IGF2BP2: variants seen among roughly 807,000 people sequenced by gnomAD.
IGF2BP2 encodes the protein insulin-like growth factor 2 mRNA-binding protein 2.
A neutral mutation model predicts 75.8 loss-of-function variants in IGF2BP2; 17 were observed. That is an observed-to-expected ratio of 0.22 (90% CI 0.15 to 0.34). The LOEUF is 0.34. Among genes scored for constraint, IGF2BP2 ranks in the 10% least tolerant of loss-of-function variants. The probability of loss-of-function intolerance (pLI) is 1.00; values close to 1 mark genes in which losing one functional copy is unlikely to be tolerated. For missense variants in IGF2BP2, 516 were observed against 772.4 expected, an observed-to-expected ratio of 0.67 and a Z score of 3.93; for synonymous variants, 288 against 295.6, an observed-to-expected ratio of 0.97 and a Z score of 0.26.
intron 1 of IGF2BP2, 115 bp from the exon 2 acceptor site, chr3:185,823,328 G>T: frequency 2.9e-6 from 2 of 691,506 alleles, no homozygotes; most frequent in Admixed American, 6.7e-5. Context: ...GCCCCCAAGG[G>T]GTCTCCTACC....
At chr3:185,703,751 G>A (rs535831461) in intron 2 of IGF2BP2, among the ~76,000 whole-genome samples, 1 of 152,260 alleles carries the variant, frequency 6.6e-6, no homozygotes, top group East Asian at 1.9e-4. Flanking sequence ...TCCAGCCTGG[G>A]GGACAAGAGA....
chr3:185,693,134 GTTCCCACTAT>G (rs1028297728), intron 4 of IGF2BP2: 2 of 169,794 alleles, frequency 1.2e-5, no homozygotes, highest in African/African-American at 4.8e-5. Flanking sequence ...TAAGTAGGCT[GTTCCCACTAT>G]TTGCTAGTCT....
At chr3:185,770,154 T>A (rs899585420) in intron 2 of IGF2BP2, among the ~76,000 whole-genome samples, 2 of 152,160 alleles carry the variant, frequency 1.3e-5, no homozygotes, top group Non-Finnish European at 2.9e-5. Flanking sequence ...TAGGCTCCTA[T>A]GTCAACAGAA....
intron 2 of IGF2BP2, chr3:185,716,874 T>C (rs1471778721): frequency 2.1e-5 from 10 of 480,472 alleles, no homozygotes; most frequent in Non-Finnish European, 4.1e-5. Flanking sequence ...TGGTGGCTTG[T>C]TCGTGGAATT....
intron 2 of IGF2BP2, among the ~76,000 whole-genome samples, chr3:185,801,534 G>A (rs981326284): frequency 6.6e-6 from 1 of 151,120 alleles, no homozygotes; most frequent in African/African-American, 2.4e-5. Context: ...AGATGCTGGC[G>A]AGGCTGTGGA....
chr3:185,743,160 C>T (rs1224990504), intron 2 of IGF2BP2, among the ~76,000 whole-genome samples: 4 of 140,232 alleles, frequency 2.9e-5, no homozygotes, highest in African/African-American at 8.7e-5. Context: ...AAAATTCATA[C>T]TAATAATTAC....
chr3:185,731,837 C>T (rs1164102100), intron 2 of IGF2BP2, among the ~76,000 whole-genome samples: 1 of 151,940 alleles, frequency 6.6e-6, no homozygotes, highest in East Asian at 2.0e-4. Context: ...AAATAATTAG[C>T]CGGGCGTCGG....
intron 15 of IGF2BP2, among the ~76,000 whole-genome samples, chr3:185,646,313 C>T (rs1713539561): frequency 2.0e-5 from 3 of 152,166 alleles, no homozygotes. Flanking sequence ...GTGGCAGCTG[C>T]CCTTTCCTGG....
intron 7 of IGF2BP2, among the ~76,000 whole-genome samples, chr3:185,686,403 G>C (rs998688298): frequency 2.0e-5 from 3 of 151,696 alleles, no homozygotes; most frequent in Non-Finnish European, 4.4e-5. Flanking sequence ...AAAAAGGAGA[G>C]GGGGGTAGTG....
chr3:185,709,095 T>G (rs1475649528), intron 2 of IGF2BP2, among the ~76,000 whole-genome samples: 1 of 152,220 alleles, frequency 6.6e-6, no homozygotes, highest in Non-Finnish European at 1.5e-5. Context: ...CATCATCATT[T>G]GAGCTCAGAT....
chr3:185,645,459 C>T lies in IGF2BP2; in HGVS notation c.*72G>A, dbSNP rs1577774412. 1.3e-5 allele frequency: 14 copies of T among 1,066,684 alleles called. 1 individual carries two copies. The highest frequency in any genetic ancestry group is 1.9e-5 in the Non-Finnish European group (13 of 686,046). 66.1% of individuals were successfully genotyped at this position (1,066,684 alleles called of 1,614,324 possible). A position where few individuals can be genotyped will look rare whatever the true frequency, so the allele number is the denominator to read the frequency against. On this transcript the variant is annotated 3_prime_UTR_variant, in exon 16 of 16. Transcript: ENST00000382199. The surrounding 1 kb of genome is among the most constrained non-coding windows in gnomAD (Gnocchi z 4.9). The stretch of plus-strand genomic sequence containing the variant: ...GGTTTGCTCCCGATCTGGCTGGCTG[C>T]GTTTGGTCTCATTCTGTCAGGTGTT...
At chr3:185,795,456 T>G (rs1002219381) in intron 2 of IGF2BP2, among the ~76,000 whole-genome samples, 1 of 152,196 alleles carries the variant, frequency 6.6e-6, no homozygotes, top group Non-Finnish European at 1.5e-5. Context: ...TCTGTTCTAG[T>G]CCCTGCTTTC....
intron 2 of IGF2BP2, among the ~76,000 whole-genome samples, chr3:185,773,542 T>C (rs1734154657): frequency 6.6e-6 from 1 of 152,200 alleles, no homozygotes; most frequent in Non-Finnish European, 1.5e-5. Flanking sequence ...TAAAACTACT[T>C]AGTTAAAAAC....
intron 2 of IGF2BP2, among the ~76,000 whole-genome samples, chr3:185,793,960 T>C (rs1736987043): frequency 1.6e-5 from 1 of 62,120 alleles, no homozygotes; most frequent in African/African-American, 8.9e-5. Context: ...CAGATTCCTT[T>C]TTTTTTTTTT....
At chr3:185,675,233 G>A (rs928779666) in intron 9 of IGF2BP2, 63 bp downstream of exon 9, 4 of 1,550,178 alleles carry the variant, frequency 2.6e-6, no homozygotes, top group South Asian at 1.2e-5. Flanking sequence ...TTCCTCATTA[G>A]CTGAATGGCA....
chr3:185,772,577 C>CTTT (rs368068706), intron 2 of IGF2BP2, among the ~76,000 whole-genome samples: 97 of 118,152 alleles, frequency 8.2e-4, no homozygotes, highest in Middle Eastern at 5.3e-3. Context: ...CCTTCTCTCT[C>CTTT]TTTTTTTTTT....
chr3:185,751,169 C>T lies in IGF2BP2; in HGVS notation c.240-52822G>A, dbSNP rs565396974. Among the ~76,000 whole-genome samples the T allele has an allele frequency of 6.6e-5, 10 of 152,290 alleles. No homozygotes were observed. The South Asian group carries it at 1.9e-3, about 28-fold the overall frequency. On this transcript the variant is annotated intron_variant, in intron 2 of 15. Coordinates refer to ENST00000382199, the MANE Select transcript of IGF2BP2 (RefSeq NM_006548.6). ...CAGAGGTTGCAGTGAGTGGAGACTG[C>T]GCCACTGCCTCCGGCCAAAAAATTG...
At position 185,738,048 on chromosome 3, in the gene IGF2BP2, T is replaced by A. The variant is rs553010814; in HGVS notation, c.240-39701A>T. ...TGTTTAACAGTGTATTACCAGGCCA[T>A]TGCCAACACTGGATATTATCTTTAT... On this transcript the variant is annotated intron_variant, in intron 2 of 15. Coordinates refer to ENST00000382199, the MANE Select transcript of IGF2BP2 (RefSeq NM_006548.6). Among the ~76,000 whole-genome samples the A allele has an allele frequency of 1.9e-3, 282 of 152,364 alleles. 4 individuals carry two copies. Among genetic ancestry groups the A allele is most frequent in the Middle Eastern group, 0.014 (4 of 294 alleles).
chr3:185,677,068 T>TATATATATATATCGAGAGAGAGAG, intron 7 of IGF2BP2, among the ~76,000 whole-genome samples: 1 of 35,876 alleles, frequency 2.8e-5, no homozygotes, highest in Non-Finnish European at 4.6e-5. Flanking sequence ...TATATATATA[T>TATATATATATATCGAGAGAGAGAG]AGAGAGAGAG....
Sources: gnomAD v4.1 joint callset for allele counts (sites outside exome capture counted in the v4.1 genomes callset) on GRCh38, gnomAD v4.1.1 for gene constraint, Gnocchi (gnomAD v3.1) non-coding constraint, MANE v1.5 for transcripts, NCBI Gene and HGNC (gene_info 2026-07-23, HGNC 2026-07-21) for gene names.